ATL2: variants seen among roughly 807,000 people sequenced by gnomAD.
ATL2 encodes the protein atlastin GTPase 2, also known as atlastin-2.
A neutral mutation model predicts 73.9 loss-of-function variants in ATL2; 31 were observed. The ratio of observed to expected loss-of-function variants is 0.42; its 90% CI spans 0.32 to 0.57. The LOEUF is 0.57. ATL2 is among the 20% of genes least tolerant of loss of function. The pLI, the probability that ATL2 is intolerant of heterozygous loss-of-function variation, is 0.14. For synonymous variants in ATL2, 291 were observed against 237.5 expected (o/e 1.23, Z -2.07); for missense variants, 738 against 702.6 (o/e 1.05, Z -0.57).
chr2:38,340,344 A>C (rs1669642684), intron 2 of ATL2, among the ~76,000 whole-genome samples: 1 of 152,058 alleles, frequency 6.6e-6, no homozygotes, highest in Non-Finnish European at 1.5e-5. Flanking sequence ...AAAGGAAAAA[A>C]ATTTTTAAGG....
intron 2 of ATL2, among the ~76,000 whole-genome samples, chr2:38,322,709 A>G (rs914637828): frequency 6.6e-6 from 1 of 152,138 alleles, no homozygotes; most frequent in Non-Finnish European, 1.5e-5. Context: ...TACTAAACTG[A>G]TTAGTCAGCA....
chr2:38,326,967 G>A (rs866676182), intron 2 of ATL2, among the ~76,000 whole-genome samples: 4 of 151,446 alleles, frequency 2.6e-5, no homozygotes, highest in Non-Finnish European at 4.4e-5. Flanking sequence ...CAGCCTGGGC[G>A]ACAAAGCAAG....
chr2:38,332,229 G>C (rs1020009137), intron 2 of ATL2, among the ~76,000 whole-genome samples: 1 of 152,174 alleles, frequency 6.6e-6, no homozygotes, highest in African/African-American at 2.4e-5. Context: ...TTCTTTTTGA[G>C]ACTGTGACTT....
chr2:38,307,964 G>C (rs1269458676), intron 9 of ATL2, among the ~76,000 whole-genome samples: 1 of 152,092 alleles, frequency 6.6e-6, no homozygotes, highest in Non-Finnish European at 1.5e-5. Context: ...ACAAATGTTG[G>C]CAAGGATGTA....
rs1433359943 is a variant in ATL2, at chr2:38,369,830, CG to C, written c.118+7312del. On this transcript the variant is annotated intron_variant, in intron 1 of 12. Transcript: ENST00000378954. Reference sequence around the variant, plus strand: ...AATTCTAAGAACAGGGGTGTTTTCCCGTCAAAACTCCTCTCGGATTTGTCAT... The same window carrying C: ...AATTCTAAGAACAGGGGTGTTTTCCCTCAAAACTCCTCTCGGATTTGTCAT... 8.6e-5 allele frequency among the ~76,000 whole-genome samples: 13 copies of C among 151,816 alleles called. No individual in the cohort carries two copies. The East Asian group carries it at 2.3e-3, about 27-fold the overall frequency.
rs1212548216 is a variant in ATL2 at position 38,357,651 on chromosome 2, CA to C, written c.119-14140del. 3.4e-3 allele frequency among the ~76,000 whole-genome samples: 227 copies of C among 66,344 alleles called. 1 individual carries two copies. The South Asian group carries it at 0.042, about 12-fold the overall frequency. The allele number at this position is 66,344 out of a possible 152,430, so 43.5% of individuals were successfully genotyped here. A position where few individuals can be genotyped will look rare whatever the true frequency, so the allele number is the denominator to read the frequency against. On this transcript the variant is annotated intron_variant, in intron 1 of 12. Transcript: ENST00000378954. Reference sequence around the variant, plus strand: ...TGCGTGACAGAGCAAGACTCCGTCTCAAAAAAAAAAAAAAAAAAAAACCTCT... The same window carrying C: ...TGCGTGACAGAGCAAGACTCCGTCTCAAAAAAAAAAAAAAAAAAAACCTCT...
rs762723091 is a variant in ATL2 at position 38,310,348 on chromosome 2, T to G, written c.904A>C (p.Lys302Gln). The G allele has an allele frequency of 1.2e-6, 2 of 1,612,722 alleles. No homozygotes were observed. The highest frequency in any genetic ancestry group is 2.7e-5 in the African/African-American group (2 of 74,852). ...TCAAAACTAGGATTAGTTGCAACTT[T>G]AAGACCAGGATGTGGCAAAAGGAAG... The part of the protein sequence containing the change: ...GCFLLPHPGL[K>Q]VATNPSFDGR... Residue 302 changes from lysine (K) to glutamine (Q), a missense_variant, in exon 8 of 13, where the codon AAA becomes CAA. Coordinates refer to ENST00000378954, the MANE Select transcript of ATL2 (RefSeq NM_001135673.4).
intron 2 of ATL2, among the ~76,000 whole-genome samples, chr2:38,333,946 G>A (rs976328016): frequency 6.6e-6 from 1 of 151,362 alleles, no homozygotes. Flanking sequence ...ACTTAGTTTT[G>A]ATTCCAAAAT....
chr2:38,313,442 T>C (rs765082715), intron 6 of ATL2, among the ~76,000 whole-genome samples, 199 bp from the exon 7 acceptor site: 16 of 152,058 alleles, frequency 1.1e-4, no homozygotes, highest in Admixed American at 2.0e-4. Context: ...TACCAAGCAA[T>C]CGCTGCCACT....
At chr2:38,342,052 C>T (rs2124404259) in intron 2 of ATL2, among the ~76,000 whole-genome samples, 1 of 152,298 alleles carries the variant, frequency 6.6e-6, no homozygotes, top group African/African-American at 2.4e-5. Context: ...CCCTTTCAAA[C>T]TCCCATTCCC....
In ATL2 at chr2:38,296,060, T is replaced by A; in HGVS notation, c.1686A>T (p.Val562=). ...NLMEENIRQS[V]TNSIKAGLTD... is the part of the protein sequence containing the mutation. ...TCAGGCCTGCTTTGATAGAGTTTGT[T>A]ACAGACTGCCTTATGTTTTCCTCCA... Residue 562 remains valine (V), a synonymous_variant, in exon 13 of 13, where the codon GTA becomes GTT. Coordinates refer to ENST00000378954, the MANE Select transcript of ATL2 (RefSeq NM_001135673.4). 3.9e-6 allele frequency: 6 copies of A among 1,551,692 alleles called. No homozygotes were observed. The highest frequency in any genetic ancestry group is 5.2e-6 in the Non-Finnish European group (6 of 1,146,854).
chr2:38,322,633 T>C (rs1003324689), intron 2 of ATL2, among the ~76,000 whole-genome samples: 25 of 152,150 alleles, frequency 1.6e-4, no homozygotes, highest in African/African-American at 6.0e-4. Flanking sequence ...AATTGGTGTC[T>C]CATAAAAATC....
chr2:38,322,546 A>G (rs549405934), intron 2 of ATL2, among the ~76,000 whole-genome samples: 11 of 152,202 alleles, frequency 7.2e-5, no homozygotes, highest in Non-Finnish European at 1.6e-4. Context: ...GTAAAAATAA[A>G]TTTTTATAAG....
intron 5 of ATL2, 143 bp from the exon 6 acceptor site, chr2:38,314,807 T>C: frequency 1.8e-6 from 1 of 568,432 alleles, no homozygotes. Flanking sequence ...ACACACTAGG[T>C]ATGTACAAAA....
At chr2:38,329,948 G>A (rs62144719) in intron 2 of ATL2, among the ~76,000 whole-genome samples, 11 of 151,910 alleles carry the variant, frequency 7.2e-5, no homozygotes, top group Non-Finnish European at 1.3e-4. Flanking sequence ...GGCCAACATG[G>A]CAAAACCCCA....
rs1311330990 is a variant in ATL2, at chr2:38,298,489, A to C, written c.1287T>G (p.Phe429Leu). 2 of 1,614,158 alleles carry C rather than the reference A, an allele frequency of 1.2e-6. No homozygotes were observed. Among genetic ancestry groups the C allele is most frequent in the East Asian group, 2.2e-5 (1 of 44,890 alleles). The change falls in exon 12 of 13, where the codon TTT becomes TTG. Residue 429 changes from phenylalanine to leucine, a missense_variant. Phe to Leu is a conservative substitution (Grantham distance 22). Transcript: ENST00000378954. Reference protein sequence around the residue: ...LDLKEVAIKQFRSVKKMGGDE... With the variant: ...LDLKEVAIKQLRSVKKMGGDE... The stretch of plus-strand genomic sequence containing the variant: ...CTCCACCCATCTTTTTTACTGAACG[A>C]AATTGTTTTATCGCCACTTCCTTGA...
At chr2:38,319,211 G>T (rs1255451324) in intron 2 of ATL2, among the ~76,000 whole-genome samples, 192 bp from the exon 3 acceptor site, 2 of 152,124 alleles carry the variant, frequency 1.3e-5, no homozygotes, top group African/African-American at 2.4e-5. Context: ...TAGAGACGTG[G>T]TCTCCTCCAA....
chr2:38,312,857 C>T (rs1217128764), intron 7 of ATL2, among the ~76,000 whole-genome samples: 3 of 152,136 alleles, frequency 2.0e-5, no homozygotes. Flanking sequence ...TACCCAGTCT[C>T]AAGTAGTTCT....
At chr2:38,377,538 C>T (rs1257559029), upstream of ATL2, among the ~76,000 whole-genome samples, 2 of 151,786 alleles carry the variant, frequency 1.3e-5, no homozygotes, top group African/African-American at 4.8e-5. Context: ...CGGGGGTGTC[C>T]CTGCCGCCGC....
Sources: allele counts gnomAD v4.1 joint callset (sites outside exome capture counted in the v4.1 genomes callset), GRCh38; gene constraint gnomAD v4.1.1; transcripts MANE v1.5; gene names NCBI Gene and HGNC (gene_info 2026-07-23, HGNC 2026-07-21).